Variants in TANC1 observed in about 807,000 individuals in gnomAD.
TANC1 encodes tetratricopeptide repeat, ankyrin repeat and coiled-coil containing 1, also known as protein TANC1.
Under a neutral mutation model 149.7 loss-of-function variants are expected in TANC1, and 77 were observed. That is an observed-to-expected ratio of 0.51 (90% CI 0.43 to 0.62). TANC1 has a LOEUF of 0.62. Among genes scored for constraint, TANC1 ranks in the 20% least tolerant of loss-of-function variants. TANC1 has a pLI of 0.00. For synonymous variants in TANC1, 854 were observed against 925.0 expected, an observed-to-expected ratio of 0.92 and a Z score of 1.39; for missense variants, 1,985 against 2,321.8, an observed-to-expected ratio of 0.85 and a Z score of 2.98.
Position 159,136,045 on chromosome 2 carries a change from T to TGC in TANC1, c.260-148_260-147insCG, listed in dbSNP as rs1435659056. ...GTGTGTGTGTGTGTGTGTGTGTGTG[T>TGC]GTGTGCGCGCGCGCGCGTTTAAGGG... On this transcript the variant is annotated intron_variant, in intron 4 of 26. Transcript: ENST00000263635. 37 of 107,836 alleles carry TGC rather than the reference T, an allele frequency of 3.4e-4. 3 individuals carry two copies. Among genetic ancestry groups the TGC allele is most frequent in the Admixed American group, 8.1e-4 (6 of 7,424 alleles). 6.7% of individuals were successfully genotyped at this position (107,836 alleles called of 1,614,324 possible). A position where few individuals can be genotyped will look rare whatever the true frequency, so the allele number is the denominator to read the frequency against.
At chr2:159,011,395 C>A (rs1356849431) in intron 2 of TANC1, among the ~76,000 whole-genome samples, 6 of 152,104 alleles carry the variant, frequency 3.9e-5, no homozygotes, top group Non-Finnish European at 8.8e-5. Flanking sequence ...AGAGGAAACA[C>A]TCAGTGTTTG....
At chr2:159,131,867 A>C (rs1437117659) in intron 4 of TANC1, among the ~76,000 whole-genome samples, 1 of 152,234 alleles carries the variant, frequency 6.6e-6, no homozygotes, top group African/African-American at 2.4e-5. Flanking sequence ...GCAGGAGAAC[A>C]GTTGTTTATA....
intron 7 of TANC1, among the ~76,000 whole-genome samples, chr2:159,160,422 G>T (rs1441447179): frequency 6.6e-6 from 1 of 152,146 alleles, no homozygotes; most frequent in African/African-American, 2.4e-5. Context: ...GATTGACTGG[G>T]TTAACCTGAT....
intron 2 of TANC1, among the ~76,000 whole-genome samples, chr2:159,038,665 G>A (rs2040393015): frequency 6.6e-6 from 1 of 152,054 alleles, no homozygotes; most frequent in Non-Finnish European, 1.5e-5. Context: ...ATTGATTTGT[G>A]TATGTTGAAC....
intron 2 of TANC1, among the ~76,000 whole-genome samples, chr2:159,021,717 A>G (rs1174078221): frequency 2.0e-5 from 3 of 152,240 alleles, no homozygotes; most frequent in African/African-American, 7.2e-5. Flanking sequence ...AATTTAACAG[A>G]ATACAACTGA....
chr2:159,156,840 T>TTCC (rs3058781), intron 7 of TANC1, among the ~76,000 whole-genome samples: 1 of 151,566 alleles, frequency 6.6e-6, no homozygotes, highest in African/African-American at 2.4e-5. Context: ...TGGAGACTTC[T>TTCC]CAGTTGGGCA....
Position 159,230,241 on chromosome 2 carries a change from G to C in TANC1, c.4815G>C (p.Gln1605His), listed in dbSNP as rs1441171556. ...GHFGDRLGPS[Q>H]NVRLQCGENG... ...TTGGGGATCGGCTGGGCCCCAGCCA[G>C]AATGTCCGCCTGCAGTGTGGTGAGA... The change falls in exon 27 of 27, where the codon CAG becomes CAC. Residue 1605 changes from glutamine to histidine, a missense_variant. This residue lies in a region of TANC1 where 920 missense variants were observed against 994.7 expected (regional missense o/e 0.92). Transcript: ENST00000263635. This position sits in a 1 kb window ranked among gnomAD's most constrained non-coding sequence, Gnocchi z 4.4. 2 of 1,613,998 alleles carry C rather than the reference G, an allele frequency of 1.2e-6. No homozygotes were observed. The highest frequency in any genetic ancestry group is 1.7e-5 in the Admixed American group (1 of 60,032).
At position 159,149,179 on chromosome 2, in the gene TANC1, A is replaced by G; in HGVS notation, c.402A>G (p.Ala134=). The G allele has an allele frequency of 6.2e-7, 1 of 1,610,574 alleles. No homozygotes were observed. The highest frequency in any genetic ancestry group is 8.5e-7 in the Non-Finnish European group (1 of 1,177,586). Residue 134 remains alanine (A), a synonymous_variant, in exon 6 of 27, where the codon GCA becomes GCG. Transcript: ENST00000263635. ...KADNEPSCSP[A]AQELLTRLGF... ...ATAATGAACCGAGCTGTTCGCCGGC[A>G]GCTCAAGAACTGTTGACAAGGCTGG...
chr2:159,052,234 TTGTC>T (rs56276540), intron 2 of TANC1, among the ~76,000 whole-genome samples: 34,259 of 148,098 alleles, frequency 0.23, 5,051 homozygotes, highest in Non-Finnish European at 0.35. Flanking sequence ...TTTTTGTACA[TTGTC>T]TGTCACAGTA....
At chr2:159,081,526 A>G (rs1326120475) in intron 3 of TANC1, among the ~76,000 whole-genome samples, 1 of 152,152 alleles carries the variant, frequency 6.6e-6, no homozygotes, top group Non-Finnish European at 1.5e-5. Flanking sequence ...TGTCACCACC[A>G]GCAGTCATAG....
Position 159,171,871 on chromosome 2 carries a change from A to AAAAAAAAAAAAAAAAAG in TANC1, c.1352-246_1352-245insAAAAAAAAAAAAGAAAA, listed in dbSNP as rs70994272. 3.8e-5 allele frequency among the ~76,000 whole-genome samples: 4 copies of AAAAAAAAAAAAAAAAAG among 105,604 alleles called. 1 individual carries two copies. The highest frequency in any genetic ancestry group is 6.0e-5 in the Non-Finnish European group (3 of 50,306). 69.3% of individuals were successfully genotyped at this position (105,604 alleles called of 152,430 possible). On this transcript the variant is annotated intron_variant, in intron 10 of 26. Transcript: ENST00000263635. ...GACTCCGCCTTAAAAAAAAAAAAAAAAAAAGAAAAAGAAAAAAAAAATTTA... is the reference window on the plus strand; with the variant it reads ...GACTCCGCCTTAAAAAAAAAAAAAAAAAAAAAAAAAAAAAAAGAAAAGAAAAAGAAAAAAAAAATTTA...
chr2:159,087,808 T>G (rs1180317337), intron 3 of TANC1, among the ~76,000 whole-genome samples: 1 of 150,462 alleles, frequency 6.6e-6, no homozygotes, highest in African/African-American at 2.5e-5. Context: ...GTTTGGAAAT[T>G]TGCTCGTTGC....
At chr2:159,021,972 C>T (rs756386252) in intron 2 of TANC1, among the ~76,000 whole-genome samples, 1 of 152,170 alleles carries the variant, frequency 6.6e-6, no homozygotes, top group African/African-American at 2.4e-5. Context: ...TAAATTAAGA[C>T]AGCTGAAAAA....
intron 1 of TANC1, among the ~76,000 whole-genome samples, chr2:158,974,552 C>T (rs1406785553): frequency 6.6e-6 from 1 of 152,180 alleles, no homozygotes; most frequent in African/African-American, 2.4e-5. Context: ...CCTGCCTCGG[C>T]CTCCCGAGTA....
At chr2:159,144,297 A>G (rs2051796224) in intron 5 of TANC1, among the ~76,000 whole-genome samples, 1 of 152,212 alleles carries the variant, frequency 6.6e-6, no homozygotes, top group South Asian at 2.1e-4. Flanking sequence ...AACCTGCATG[A>G]TAACTATGTT....
At chr2:159,022,207 A>G (rs1214840626) in intron 2 of TANC1, among the ~76,000 whole-genome samples, 1 of 152,200 alleles carries the variant, frequency 6.6e-6, no homozygotes, top group Non-Finnish European at 1.5e-5. Flanking sequence ...AGGAGTGGCC[A>G]GAATGCCACT....
Position 159,130,972 on chromosome 2 carries a change from A to G in TANC1, c.260-5222A>G, listed in dbSNP as rs114517005. On this transcript the variant is annotated intron_variant, in intron 4 of 26. Transcript: ENST00000263635. ...AAAGCTGATTGAAAGGGGTACGTTG[A>G]GGGCAAGCTGTGCTGCAGCATGATG... Among the ~76,000 whole-genome samples, 648 of 152,254 alleles carry G rather than the reference A, an allele frequency of 4.3e-3. 5 individuals are homozygous for G. Among genetic ancestry groups the G allele is most frequent in the African/African-American group, 0.015 (611 of 41,560 alleles).
chr2:159,116,456 A>AC (rs1553559594), intron 4 of TANC1, among the ~76,000 whole-genome samples: 25,156 of 137,814 alleles, frequency 0.18, 2,205 homozygotes, highest in African/African-American at 0.26. Flanking sequence ...AACAACAACA[A>AC]AAAAAAAAAA....
chr2:159,141,376 A>C lies in TANC1; in HGVS notation c.364+5078A>C, dbSNP rs941047669. Among the ~76,000 whole-genome samples, 7 of 152,352 alleles carry C rather than the reference A, an allele frequency of 4.6e-5. No individual in the cohort carries two copies. The East Asian group carries it at 1.4e-3, about 29-fold the overall frequency. The stretch of plus-strand genomic sequence containing the variant: ...AGACTACGGTTAAGAATGATTAAAA[A>C]ATTGTTTTAGTAATTAAGTGAGAGG... On this transcript the variant is annotated intron_variant, in intron 5 of 26. Transcript: ENST00000263635.
Sources: allele counts gnomAD v4.1 joint callset (sites outside exome capture counted in the v4.1 genomes callset), GRCh38; gene constraint gnomAD v4.1.1; regional missense constraint gnomAD v4.1.1; non-coding constraint Gnocchi (gnomAD v3.1); transcripts MANE v1.5; gene names NCBI Gene and HGNC (gene_info 2026-07-23, HGNC 2026-07-21).